The following NREP variants were observed in gnomAD, a reference collection of about 807,000 sequenced individuals.
NREP encodes neuronal regeneration related protein.
NREP carries 5 observed loss-of-function variants against 8.6 expected under a neutral mutation model. The ratio of observed to expected loss-of-function variants is 0.58; its 90% confidence interval spans 0.30 to 1.22. The LOEUF is 1.22. Ranked by LOEUF, NREP falls within the 50% of genes most tolerant of loss-of-function variation. The pLI is 0.07. For missense variants in NREP, 86 were observed against 82.5 expected, an observed-to-expected ratio of 1.04 and a Z score of -0.17; for synonymous variants, 27 against 28.0, an observed-to-expected ratio of 0.96 and a Z score of 0.11.
chr5:111,808,570 T>A (rs1752196166), intron 2 of NREP, among the ~76,000 whole-genome samples: 1 of 152,232 alleles, frequency 6.6e-6, no homozygotes, highest in Admixed American at 6.5e-5. Context: ...TTCTTTTTTG[T>A]TTAGCAAACT....
chr5:111,973,387 A>G (rs1313068856), intron 2 of NREP, among the ~76,000 whole-genome samples: 2 of 152,174 alleles, frequency 1.3e-5, no homozygotes, highest in South Asian at 2.1e-4. Flanking sequence ...AGAAAAAAGT[A>G]TTTCTCCCAC....
chr5:111,850,015 G>T (rs1753271020), intron 2 of NREP, among the ~76,000 whole-genome samples: 1 of 152,116 alleles, frequency 6.6e-6, no homozygotes, highest in Non-Finnish European at 1.5e-5. Flanking sequence ...ATCTAACACT[G>T]TCATTTTGAT....
At chr5:111,820,371 T>G (rs1021254485) in intron 2 of NREP, among the ~76,000 whole-genome samples, 1 of 152,224 alleles carries the variant, frequency 6.6e-6, no homozygotes, top group Non-Finnish European at 1.5e-5. Flanking sequence ...GCTTCACAAG[T>G]ATTGATTTTG....
intron 2 of NREP, among the ~76,000 whole-genome samples, chr5:111,777,082 C>G (rs1020491617): frequency 6.6e-6 from 1 of 151,052 alleles, no homozygotes; most frequent in Non-Finnish European, 1.5e-5. Flanking sequence ...ATATATGTAC[C>G]CATATAAATA....
intron 2 of NREP, among the ~76,000 whole-genome samples, chr5:111,748,859 G>T (rs1440420682): frequency 6.6e-6 from 1 of 152,164 alleles, no homozygotes; most frequent in Non-Finnish European, 1.5e-5. Flanking sequence ...CAACCTCGGA[G>T]GGTAGAAAAA....
chr5:111,761,946 T>TC (rs1281638123), upstream of NREP, among the ~76,000 whole-genome samples: 11 of 152,322 alleles, frequency 7.2e-5, no homozygotes, highest in Admixed American at 2.6e-4. Context: ...TGACAAGATT[T>TC]TTTTTTTCCA....
intron 2 of NREP, among the ~76,000 whole-genome samples, chr5:111,897,848 A>C (rs1415590764): frequency 6.6e-6 from 1 of 152,192 alleles, no homozygotes; most frequent in Non-Finnish European, 1.5e-5. Flanking sequence ...AAAAGATAAA[A>C]ATATAAATTA....
intron 2 of NREP, among the ~76,000 whole-genome samples, chr5:111,873,562 G>A (rs1333510480): frequency 6.6e-6 from 1 of 152,116 alleles, no homozygotes. Flanking sequence ...GCATTCCTTG[G>A]CTCCTGGCCC....
chr5:111,834,760 T>A (rs900555800), intron 2 of NREP, among the ~76,000 whole-genome samples: 13 of 152,166 alleles, frequency 8.5e-5, no homozygotes, highest in African/African-American at 2.9e-4. Context: ...AAGATGTGTA[T>A]TGGAGTGGGA....
chr5:111,915,690 A>G (rs1755037160), intron 2 of NREP, among the ~76,000 whole-genome samples: 1 of 152,112 alleles, frequency 6.6e-6, no homozygotes, highest in African/African-American at 2.4e-5. Context: ...ATGCACCTAC[A>G]CATAAAACAT....
rs1361271736 is a variant in NREP at position 111,926,840 on chromosome 5, AG to A, written c.135+48433del. Among the ~76,000 whole-genome samples the A allele has an allele frequency of 2.6e-5, 4 of 151,706 alleles. No individual in the cohort carries two copies. The East Asian group carries it at 8.0e-4, about 30-fold the overall frequency. On this transcript the variant is annotated intron_variant, in intron 2 of 3. Transcript: ENST00000395634. Reference sequence around the variant, plus strand: ...TTCCCTGAGCCCTGGCATCCATTAAAGGTGCTGCTCCTGGGTGCAAGTGTGA... The same window carrying A: ...TTCCCTGAGCCCTGGCATCCATTAAAGTGCTGCTCCTGGGTGCAAGTGTGA...
At chr5:111,787,915 T>A (rs1322834332) in intron 2 of NREP, among the ~76,000 whole-genome samples, 1 of 152,022 alleles carries the variant, frequency 6.6e-6, no homozygotes, top group Admixed American at 6.6e-5. Flanking sequence ...CTAGGCAACA[T>A]TGTGAGACCA....
Position 111,829,188 on chromosome 5 carries a change from G to A in NREP, c.136-93681C>T, listed in dbSNP as rs182063875. 8.5e-4 allele frequency among the ~76,000 whole-genome samples: 129 copies of A among 152,298 alleles called. 1 individual carries two copies. Among genetic ancestry groups the A allele is most frequent in the African/African-American group, 3.1e-3 (129 of 41,574 alleles). On this transcript the variant is annotated intron_variant, in intron 2 of 3. Transcript: ENST00000395634. ...CAGAGATGAGGTTGCAAAGCAAACC[G>A]TGTTCAACTTGTGAAGGACATTAAG...
At chr5:111,865,125 A>G (rs1260901528) in intron 2 of NREP, among the ~76,000 whole-genome samples, 1 of 152,170 alleles carries the variant, frequency 6.6e-6, no homozygotes, top group Non-Finnish European at 1.5e-5. Context: ...AAGGACCACT[A>G]CAGTTCTCCC....
At chr5:111,951,896 A>G (rs1444385327) in intron 2 of NREP, among the ~76,000 whole-genome samples, 1 of 152,056 alleles carries the variant, frequency 6.6e-6, no homozygotes. Context: ...TAGAGCAATC[A>G]TATAACTGTA....
At chr5:111,851,462 T>C (rs1233765969) in intron 2 of NREP, among the ~76,000 whole-genome samples, 3 of 152,136 alleles carry the variant, frequency 2.0e-5, no homozygotes, top group Non-Finnish European at 2.9e-5. Context: ...TGTACATATA[T>C]AGAGAGTTCC....
chr5:111,837,942 A>G (rs1423663827), intron 2 of NREP, among the ~76,000 whole-genome samples: 2 of 152,078 alleles, frequency 1.3e-5, no homozygotes, highest in African/African-American at 2.4e-5. Flanking sequence ...TGTGAAGTCT[A>G]TAACACCATC....
intron 2 of NREP, among the ~76,000 whole-genome samples, chr5:111,771,951 A>T (rs368466982): frequency 6.6e-5 from 10 of 152,126 alleles, no homozygotes; most frequent in Non-Finnish European, 1.3e-4. Context: ...TGATTTTTTT[A>T]AAAATCCATT....
chr5:111,792,095 T>A (rs1191872349), intron 2 of NREP, among the ~76,000 whole-genome samples: 2 of 152,220 alleles, frequency 1.3e-5, no homozygotes, highest in Non-Finnish European at 2.9e-5. Context: ...AAACTATCTG[T>A]TTCTCTGGAA....
Sources: allele counts gnomAD v4.1 joint callset (sites outside exome capture counted in the v4.1 genomes callset), GRCh38; gene constraint gnomAD v4.1.1; transcripts MANE v1.5; gene names NCBI Gene and HGNC (gene_info 2026-07-23, HGNC 2026-07-21).